Variants in MACROD2 observed in about 807,000 individuals in gnomAD.
MACROD2 encodes the protein mono-ADP ribosylhydrolase 2.
Under a neutral mutation model 70.4 loss-of-function variants are expected in MACROD2, and 36 were observed. The observed-to-expected ratio is 0.51, with a 90% CI of 0.39 to 0.68. MACROD2 has a LOEUF of 0.68. MACROD2 is among the 30% of genes least tolerant of loss of function. MACROD2 has a pLI of 0.00. For synonymous variants in MACROD2, 172 were observed against 178.8 expected (o/e 0.96, Z 0.30); for missense variants, 496 against 538.4 (o/e 0.92, Z 0.78).
rs546175359 is a variant in MACROD2 at position 15,908,519 on chromosome 20, G to A, written c.775+22708G>A. 1.1e-4 allele frequency among the ~76,000 whole-genome samples: 16 copies of A among 152,240 alleles called. No individual in the cohort carries two copies. In the South Asian group the frequency reaches 3.1e-3, roughly 30 times the overall value. ...TTTTACACCCCTTTGAATGTGTCCTGCTTCCTGCTGGGACCATGACTAGTC... is the reference window on the plus strand; with the variant it reads ...TTTTACACCCCTTTGAATGTGTCCTACTTCCTGCTGGGACCATGACTAGTC... On this transcript the variant is annotated intron_variant, in intron 10 of 17. Transcript: ENST00000684519.
intron 5 of MACROD2, among the ~76,000 whole-genome samples, chr20:15,050,816 T>G (rs555047250): frequency 6.6e-6 from 1 of 151,938 alleles, no homozygotes; most frequent in South Asian, 2.1e-4. Context: ...AAAAAATTCA[T>G]CCCTGATGTA....
intron 3 of MACROD2, among the ~76,000 whole-genome samples, chr20:14,479,999 C>G (rs955913536): frequency 5.9e-5 from 9 of 152,048 alleles, no homozygotes; most frequent in African/African-American, 2.2e-4. Context: ...GTCTCATTCT[C>G]CTGAGTAGCT....
chr20:14,628,888 T>C (rs367838556), intron 4 of MACROD2: 68 of 152,354 alleles, frequency 4.5e-4, no homozygotes, highest in African/African-American at 1.6e-3. Context: ...AGATAAATAA[T>C]CTAAGTTTCC....
chr20:15,311,816 A>C (rs963826374), intron 6 of MACROD2, among the ~76,000 whole-genome samples: 8 of 152,058 alleles, frequency 5.3e-5, no homozygotes, highest in Non-Finnish European at 7.4e-5. Context: ...GAGTTGAAAA[A>C]CTAACTGTTG....
intron 8 of MACROD2, among the ~76,000 whole-genome samples, chr20:15,669,049 T>C (rs1210607746): frequency 6.6e-6 from 1 of 152,206 alleles, no homozygotes; most frequent in Non-Finnish European, 1.5e-5. Context: ...CATTTAGAGC[T>C]AGAAGGGACC....
At chr20:15,665,962 T>G (rs761770700) in intron 8 of MACROD2, among the ~76,000 whole-genome samples, 2 of 150,150 alleles carry the variant, frequency 1.3e-5, no homozygotes, top group Non-Finnish European at 3.0e-5. Context: ...GAGATATGCT[T>G]GATATTTCAT....
chr20:15,747,719 G>T (rs529986165), intron 8 of MACROD2, among the ~76,000 whole-genome samples: 1 of 151,880 alleles, frequency 6.6e-6, no homozygotes, highest in South Asian at 2.1e-4. Context: ...GATTTTCCAC[G>T]GAGATGATCA....
chr20:16,046,506 G>A (rs532558969), intron 17 of MACROD2, among the ~76,000 whole-genome samples: 83 of 151,878 alleles, frequency 5.5e-4, no homozygotes, highest in Middle Eastern at 3.4e-3. Context: ...ATAAACTATA[G>A]GCTTCTTGTC....
chr20:16,035,126 ATAT>A lies in MACROD2; in HGVS notation c.1154-6071_1154-6069del, dbSNP rs1568725923. Among the ~76,000 whole-genome samples, 10 of 74,852 alleles carry A rather than the reference ATAT, an allele frequency of 1.3e-4. No homozygotes were observed. In the East Asian group the frequency reaches 1.6e-3, roughly 12 times the overall value. The allele number at this position is 74,852 out of a possible 152,430, so 49.1% of individuals were successfully genotyped here. A position where few individuals can be genotyped will look rare whatever the true frequency, so the allele number is the denominator to read the frequency against. On this transcript the variant is annotated intron_variant, in intron 15 of 17. Transcript: ENST00000684519. ...TATTATATATAAAATATAATATAAA[ATAT>A]TATATATTATATATTATATATAAAA...
chr20:14,061,974 A>G (rs752255959), intron 2 of MACROD2, among the ~76,000 whole-genome samples: 3 of 152,152 alleles, frequency 2.0e-5, no homozygotes, highest in Non-Finnish European at 2.9e-5. Context: ...CCTTGTTCCA[A>G]GAGCTTTGCT....
chr20:14,747,291 A>G (rs1415449383), intron 5 of MACROD2, among the ~76,000 whole-genome samples: 2 of 152,238 alleles, frequency 1.3e-5, no homozygotes, highest in African/African-American at 4.8e-5. Context: ...TGTTTGGGCC[A>G]GGGGTTGGGG....
chr20:15,241,149 A>T (rs1343929669), intron 6 of MACROD2, among the ~76,000 whole-genome samples: 2 of 152,230 alleles, frequency 1.3e-5, no homozygotes, highest in Non-Finnish European at 2.9e-5. Flanking sequence ...AACAGTATGT[A>T]CTTCCTAGGA....
chr20:15,655,681 T>G (rs376552684), intron 8 of MACROD2, among the ~76,000 whole-genome samples: 1 of 152,216 alleles, frequency 6.6e-6, no homozygotes, highest in Non-Finnish European at 1.5e-5. Flanking sequence ...GTCATAACTT[T>G]CTATTATTAT....
chr20:16,039,103 T>C (rs2067273736), intron 15 of MACROD2, among the ~76,000 whole-genome samples: 1 of 151,954 alleles, frequency 6.6e-6, no homozygotes, highest in Non-Finnish European at 1.5e-5. Flanking sequence ...TCTTGACACA[T>C]GTGCAATGTC....
At chr20:14,302,517 C>CA (rs2082483887) in intron 3 of MACROD2, among the ~76,000 whole-genome samples, 2 of 152,066 alleles carry the variant, frequency 1.3e-5, no homozygotes, top group Admixed American at 1.3e-4. Flanking sequence ...TTGATATTGA[C>CA]AAAGCCTGAA....
At chr20:15,119,490 C>A (rs35357694) in intron 5 of MACROD2, among the ~76,000 whole-genome samples, 33,079 of 152,078 alleles carry the variant, frequency 0.22, 4,841 homozygotes, top group Non-Finnish European at 0.32. Context: ...GACACAGCAT[C>A]CCACGGGACA....
At chr20:14,138,804 C>T (rs2054834135) in intron 3 of MACROD2, among the ~76,000 whole-genome samples, 1 of 56,058 alleles carries the variant, frequency 1.8e-5, no homozygotes, top group Non-Finnish European at 4.4e-5. Flanking sequence ...CACACACACA[C>T]ACGGTAACTA....
At chr20:14,076,846 A>C (rs2053922164) in intron 2 of MACROD2, among the ~76,000 whole-genome samples, 4 of 152,204 alleles carry the variant, frequency 2.6e-5, no homozygotes, top group African/African-American at 7.2e-5. Context: ...AGATAAACTT[A>C]TGTCTACTAG....
chr20:15,160,048 T>C (rs1428291425), intron 5 of MACROD2, among the ~76,000 whole-genome samples: 2 of 149,950 alleles, frequency 1.3e-5, no homozygotes, highest in African/African-American at 4.9e-5. Context: ...AGAGTTATGT[T>C]AGAAATGTAA....
Sources: allele counts gnomAD v4.1 joint callset (sites outside exome capture counted in the v4.1 genomes callset), GRCh38; gene constraint gnomAD v4.1.1; transcripts MANE v1.5; gene names NCBI Gene and HGNC (gene_info 2026-07-23, HGNC 2026-07-21).